FAM13A: variants seen among roughly 807,000 people sequenced by gnomAD.
FAM13A encodes protein FAM13A.
In FAM13A, 76 loss-of-function variants were observed where a neutral mutation model predicts 129.6. The ratio of observed to expected loss-of-function variants is 0.59; its 90% CI spans 0.49 to 0.71. The LOEUF is 0.71. Among genes scored for constraint, FAM13A ranks in the 30% least tolerant of loss-of-function variants. The probability of loss-of-function intolerance (pLI) is 0.00; values close to 1 mark genes in which losing one functional copy is unlikely to be tolerated. For synonymous variants in FAM13A, 443 were observed against 449.9 expected, an observed-to-expected ratio of 0.98 and a Z score of 0.20; for missense variants, 1,108 against 1,249.3, an observed-to-expected ratio of 0.89 and a Z score of 1.70.
chr4:88,993,825 C>A (rs949107522), intron 3 of FAM13A, among the ~76,000 whole-genome samples: 6 of 151,890 alleles, frequency 4.0e-5, no homozygotes, highest in Non-Finnish European at 7.4e-5. Context: ...AAGATGAAAC[C>A]CTGTCTCTAC....
At chr4:89,027,136 C>A (rs1013471329) in intron 2 of FAM13A, among the ~76,000 whole-genome samples, 2 of 152,100 alleles carry the variant, frequency 1.3e-5, no homozygotes, top group Non-Finnish European at 1.5e-5. Flanking sequence ...CTGTTTTTTT[C>A]TCCTATACAT....
chr4:88,892,240 C>T (rs1338282219), intron 6 of FAM13A, among the ~76,000 whole-genome samples: 11 of 134,280 alleles, frequency 8.2e-5, no homozygotes, highest in African/African-American at 1.1e-4. Flanking sequence ...AGTGCAGTGG[C>T]GAGATCTCGG....
In FAM13A at chr4:88,747,003, C is replaced by G. The variant is rs1278897313; in HGVS notation, c.2395G>C (p.Asp799His). 5 of 1,610,656 alleles carry G rather than the reference C, an allele frequency of 3.1e-6. No individual in the cohort carries two copies. The Admixed American group carries it at 8.3e-5, about 27-fold the overall frequency. Residue 799 changes from aspartate to histidine, a missense_variant, in exon 19 of 24, where the codon GAC becomes CAC. Asp to His is a moderately conservative substitution (Grantham distance 81, BLOSUM62 -1). Around this residue, in one of 3 missense-constraint regions of FAM13A, gnomAD observed 529 missense variants for 621.2 expected, o/e 0.85. Transcript: ENST00000264344. Reference protein sequence around the residue: ...RPEDIKDMTKDQIANEKVALQ... With the variant: ...RPEDIKDMTKHQIANEKVALQ... The stretch of plus-strand genomic sequence containing the variant: ...GCCACTTTCTCATTAGCAATCTGGT[C>G]TTTGGTCATATCCTGTATAAACACA...
chr4:88,986,337 T>C (rs1397289948), intron 4 of FAM13A, among the ~76,000 whole-genome samples: 1 of 152,178 alleles, frequency 6.6e-6, no homozygotes, highest in Non-Finnish European at 1.5e-5. Flanking sequence ...TTTCACCATG[T>C]TGGCCAGGCT....
rs1265154874 is a variant in FAM13A at position 88,746,927 on chromosome 4, C to T, written c.2466+5G>A. The stretch of plus-strand genomic sequence containing the variant: ...CCCAATCAGAAAATTTACTACATCA[C>T]ATACCGGCCGTCCATGAATGCTTTC... On this transcript the variant is annotated splice_donor_5th_base_variant and intron_variant, in intron 19 of 23. Coordinates refer to ENST00000264344, the MANE Select transcript of FAM13A (RefSeq NM_014883.4). 4 of 1,601,874 alleles carry T rather than the reference C, an allele frequency of 2.5e-6. No individual in the cohort carries two copies. Among genetic ancestry groups the T allele is most frequent in the Admixed American group, 3.3e-5 (2 of 59,980 alleles).
At chr4:88,778,937 C>A (rs1247396590) in intron 11 of FAM13A, among the ~76,000 whole-genome samples, 1 of 152,168 alleles carries the variant, frequency 6.6e-6, no homozygotes, top group Non-Finnish European at 1.5e-5. Flanking sequence ...CTTACTTCCT[C>A]TAGTTCTTTA....
At chr4:88,945,785 A>ATATATATATATAAGTATATATATAT (rs896628556) in intron 4 of FAM13A, among the ~76,000 whole-genome samples, 54 of 142,856 alleles carry the variant, frequency 3.8e-4, no homozygotes, top group Admixed American at 2.0e-3. Context: ...ATGTGGTTGT[A>ATATATATATATAAGTATATATATAT]TATATATATA....
chr4:88,757,669 T>C (rs1457057846), intron 14 of FAM13A, among the ~76,000 whole-genome samples: 4 of 152,196 alleles, frequency 2.6e-5, no homozygotes, highest in African/African-American at 9.7e-5. Flanking sequence ...AGAACAGGTT[T>C]CTTAGCTTTC....
chr4:88,823,407 C>T (rs1455279456), intron 7 of FAM13A: 2 of 869,768 alleles, frequency 2.3e-6, no homozygotes, highest in East Asian at 1.0e-4. Context: ...TCCTCCTGCT[C>T]CTGCTCCTCA....
chr4:89,026,003 T>A (rs1404621039), intron 2 of FAM13A, among the ~76,000 whole-genome samples: 1 of 152,186 alleles, frequency 6.6e-6, no homozygotes, highest in Non-Finnish European at 1.5e-5. Context: ...AATGTAAAAT[T>A]TTTTACACAA....
intron 1 of FAM13A, among the ~76,000 whole-genome samples, chr4:89,033,121 A>AAC (rs34356325): frequency 0.069 from 10,001 of 145,338 alleles, 433 homozygotes; most frequent in South Asian, 0.16. Flanking sequence ...GTTCTGTAAC[A>AAC]ACACACACAC....
chr4:88,837,793 CA>C (rs1473727897), intron 7 of FAM13A, among the ~76,000 whole-genome samples: 1 of 143,632 alleles, frequency 7.0e-6, no homozygotes, highest in Non-Finnish European at 1.5e-5. Flanking sequence ...GTGATAAATA[CA>C]TATTAAAAGT....
chr4:88,792,911 A>G (rs1357774416), intron 8 of FAM13A, among the ~76,000 whole-genome samples: 2 of 152,072 alleles, frequency 1.3e-5, no homozygotes, highest in Non-Finnish European at 2.9e-5. Context: ...AGAAAAAGAC[A>G]AGGAAACAAC....
chr4:88,798,384 C>T (rs1726680885), intron 8 of FAM13A, among the ~76,000 whole-genome samples: 2 of 152,066 alleles, frequency 1.3e-5, no homozygotes. Flanking sequence ...ACTGAGTATT[C>T]TTGTCTGAAT....
At chr4:88,781,845 T>A (rs1392782755) in intron 10 of FAM13A, among the ~76,000 whole-genome samples, 3 of 145,716 alleles carry the variant, frequency 2.1e-5, no homozygotes, top group African/African-American at 7.5e-5. Flanking sequence ...TGTTGTGGGG[T>A]GGGGGGAGCG....
At chr4:88,846,628 C>A (rs1736684893) in intron 7 of FAM13A, among the ~76,000 whole-genome samples, 1 of 152,148 alleles carries the variant, frequency 6.6e-6, no homozygotes, top group Non-Finnish European at 1.5e-5. Context: ...AAAGCATATC[C>A]CTCCTCACTC....
chr4:89,044,377 C>T (rs1052778332), intron 1 of FAM13A, among the ~76,000 whole-genome samples: 20 of 152,096 alleles, frequency 1.3e-4, no homozygotes, highest in African/African-American at 3.4e-4. Flanking sequence ...AATGAGATAT[C>T]GCTTCACACC....
At chr4:88,997,753 G>A (rs375965248) in intron 3 of FAM13A, among the ~76,000 whole-genome samples, 22 of 152,106 alleles carry the variant, frequency 1.4e-4, no homozygotes, top group Admixed American at 2.6e-4. Context: ...CTGACAAAAC[G>A]CTAATCTCTA....
At chr4:88,888,900 C>A (rs1011314506) in intron 6 of FAM13A, among the ~76,000 whole-genome samples, 1 of 148,494 alleles carries the variant, frequency 6.7e-6, no homozygotes, top group African/African-American at 2.5e-5. Flanking sequence ...TGTGCCACTG[C>A]GCTCCAGCCT....
Sources: gnomAD v4.1 joint callset for allele counts (sites outside exome capture counted in the v4.1 genomes callset) on GRCh38, gnomAD v4.1.1 for gene constraint, gnomAD v4.1.1 regional missense constraint, MANE v1.5 for transcripts, NCBI Gene and HGNC (gene_info 2026-07-23, HGNC 2026-07-21) for gene names.